Variants in CENPP observed in about 807,000 individuals in gnomAD.
CENPP encodes the protein centromere protein P.
Under a neutral mutation model 35.6 loss-of-function variants are expected in CENPP, and 24 were observed. The ratio of observed to expected loss-of-function variants is 0.67; its 90% CI spans 0.49 to 0.95. The LOEUF (loss-of-function observed/expected upper bound fraction) is 0.95, where lower values mean the gene tolerates loss of function less well. CENPP is among the 40% of genes least tolerant of loss of function. The probability of loss-of-function intolerance (pLI) is 0.00; values close to 1 mark genes in which losing one functional copy is unlikely to be tolerated. For missense variants in CENPP, 332 were observed against 345.3 expected (o/e 0.96, Z 0.31); for synonymous variants, 120 against 125.5 (o/e 0.96, Z 0.29).
At chr9:92,433,405 C>T (rs1844167673) in intron 5 of CENPP, among the ~76,000 whole-genome samples, 1 of 152,140 alleles carries the variant, frequency 6.6e-6, no homozygotes, top group Non-Finnish European at 1.5e-5. Context: ...TTGACTGGTA[C>T]TTGGTACAGA....
At chr9:92,457,192 G>A in intron 5 of CENPP, 2 of 1,468,864 alleles carry the variant, frequency 1.4e-6, no homozygotes. Context: ...ATATTTGCTT[G>A]TATATATAAT....
Position 92,618,122 on chromosome 9 carries a change from A to G in CENPP, c.*4973A>G. ...AACTTCACAGGTGCGGCCACTGCGC[A>G]CACCTTCCTGGAAGCAGGCCCAGCC... On this transcript the variant is annotated 3_prime_UTR_variant, in exon 8 of 8. Coordinates refer to ENST00000375587, the MANE Select transcript of CENPP (RefSeq NM_001012267.3). The G allele has an allele frequency of 2.4e-6, 1 of 414,972 alleles. No individual in the cohort carries two copies. The highest frequency in any genetic ancestry group is 4.8e-6 in the Non-Finnish European group (1 of 206,312). The allele number at this position is 414,972 out of a possible 1,614,324, so 25.7% of individuals were successfully genotyped here.
chr9:92,613,285 T>C lies in CENPP; in HGVS notation c.*136T>C. On this transcript the variant is annotated 3_prime_UTR_variant, in exon 8 of 8. Transcript: ENST00000375587. ...CTGTCTATGCAGTTATGGCACATTA[T>C]ATGGAAACTCTCATGACATGAAAAA... is the stretch of plus-strand genomic sequence containing the variant. 2 of 927,976 alleles carry C rather than the reference T, an allele frequency of 2.2e-6. No homozygotes were observed. The highest frequency in any genetic ancestry group is 3.3e-6 in the Non-Finnish European group (2 of 610,258). The allele number at this position is 927,976 out of a possible 1,614,324, so 57.5% of individuals were successfully genotyped here.
At chr9:92,346,610 A>T (rs1841301564) in intron 4 of CENPP, among the ~76,000 whole-genome samples, 1 of 152,206 alleles carries the variant, frequency 6.6e-6, no homozygotes, top group South Asian at 2.1e-4. Flanking sequence ...GGCCTGAGGA[A>T]AGCAAAAGTG....
intron 5 of CENPP, among the ~76,000 whole-genome samples, chr9:92,537,044 A>AT (rs112330831): frequency 4.6e-4 from 66 of 142,608 alleles, no homozygotes; most frequent in African/African-American, 1.0e-3. Context: ...TAATTTTTGT[A>AT]TTTTTTTTTT....
At chr9:92,460,140 C>T (rs1024840610) in intron 5 of CENPP, among the ~76,000 whole-genome samples, 7 of 148,860 alleles carry the variant, frequency 4.7e-5, no homozygotes, top group African/African-American at 1.7e-4. Flanking sequence ...AGTCTTGGCT[C>T]ACTGCAACCT....
intron 5 of CENPP, among the ~76,000 whole-genome samples, chr9:92,472,325 C>CCAGCCTGGGTGA (rs1343848988): frequency 6.6e-6 from 1 of 151,270 alleles, no homozygotes; most frequent in South Asian, 2.1e-4. Context: ...CCACTGCACT[C>CCAGCCTGGGTGA]CAGCCTGGGT....
At position 92,460,823 on chromosome 9, in the gene CENPP, T is replaced by G. The variant is rs1206628233; in HGVS notation, c.564+80964T>G. ...TCCTGAGTAGCTGAGATAACAGGTATGCACCACCATACCTGGCTAATTTTT... is the reference window on the plus strand; with the variant it reads ...TCCTGAGTAGCTGAGATAACAGGTAGGCACCACCATACCTGGCTAATTTTT... On this transcript the variant is annotated intron_variant, in intron 5 of 7. Transcript: ENST00000375587. Among the ~76,000 whole-genome samples, 4 of 152,052 alleles carry G rather than the reference T, an allele frequency of 2.6e-5. No individual in the cohort carries two copies. In the East Asian group the frequency reaches 5.8e-4, roughly 22 times the overall value.
chr9:92,433,270 A>T (rs912294679), intron 5 of CENPP, among the ~76,000 whole-genome samples: 3 of 152,224 alleles, frequency 2.0e-5, no homozygotes, highest in Non-Finnish European at 2.9e-5. Flanking sequence ...AATACTTCTT[A>T]AAAGTTCCCA....
chr9:92,349,465 A>G (rs1413640858), intron 4 of CENPP, among the ~76,000 whole-genome samples: 2 of 147,182 alleles, frequency 1.4e-5, no homozygotes, highest in Non-Finnish European at 3.0e-5. Context: ...GTGCTGTAGT[A>G]TGATATCAGC....
intron 5 of CENPP, among the ~76,000 whole-genome samples, chr9:92,397,195 C>CA (rs1350231835): frequency 3.3e-5 from 5 of 151,942 alleles, no homozygotes; most frequent in Non-Finnish European, 7.4e-5. Context: ...AACAAACAAA[C>CA]AAAAAAACAC....
At chr9:92,453,049 A>G (rs564523240) in intron 5 of CENPP, among the ~76,000 whole-genome samples, 301 of 152,240 alleles carry the variant, frequency 2.0e-3, no homozygotes, top group African/African-American at 6.9e-3. Flanking sequence ...TCAAAAAACC[A>G]GCTCCTGGAT....
At chr9:92,607,371 A>G (rs935354374) in intron 5 of CENPP, among the ~76,000 whole-genome samples, 32 of 152,318 alleles carry the variant, frequency 2.1e-4, no homozygotes, top group African/African-American at 7.7e-4. Flanking sequence ...TGAAAGCAAG[A>G]CAGAAAGTAG....
chr9:92,579,949 A>AG (rs1467289673), intron 5 of CENPP, among the ~76,000 whole-genome samples: 1 of 148,494 alleles, frequency 6.7e-6, no homozygotes, highest in Non-Finnish European at 1.5e-5. Context: ...TGTCATAGAT[A>AG]GCTCTTATTA....
At chr9:92,492,470 T>C (rs1846199373) in intron 5 of CENPP, among the ~76,000 whole-genome samples, 2 of 152,080 alleles carry the variant, frequency 1.3e-5, no homozygotes, top group East Asian at 3.9e-4. Context: ...GGGTAGTTTC[T>C]TTGTGTTTTA....
At chr9:92,373,717 T>G (rs1842061535) in intron 4 of CENPP, among the ~76,000 whole-genome samples, 1 of 152,008 alleles carries the variant, frequency 6.6e-6, no homozygotes, top group South Asian at 2.1e-4. Flanking sequence ...TCCCAGCTAC[T>G]CGGGAGGCTG....
At chr9:92,398,012 T>C (rs765666396) in intron 5 of CENPP, among the ~76,000 whole-genome samples, 1 of 152,188 alleles carries the variant, frequency 6.6e-6, no homozygotes, top group Non-Finnish European at 1.5e-5. Context: ...TTTGTAATGT[T>C]TCTCTGACAG....
In CENPP at chr9:92,615,615, G is replaced by C. The variant is rs1851406199; in HGVS notation, c.*2466G>C. 7.5e-6 allele frequency: 4 copies of C among 533,822 alleles called. No individual in the cohort carries two copies. The highest frequency in any genetic ancestry group is 1.3e-5 in the Non-Finnish European group (4 of 296,598). 33.1% of individuals were successfully genotyped at this position (533,822 alleles called of 1,614,324 possible). The stretch of plus-strand genomic sequence containing the variant: ...GGACACTTCCATTTTAAGAGTGTGA[G>C]CAGCTTCCTGGGACACAGCACTCAC... On this transcript the variant is annotated 3_prime_UTR_variant, in exon 8 of 8. Transcript: ENST00000375587.
rs185433125 is a variant in CENPP at position 92,589,567 on chromosome 9, A to G, written c.565-21747A>G. 6.6e-4 allele frequency among the ~76,000 whole-genome samples: 100 copies of G among 152,310 alleles called. No homozygotes were observed. In the East Asian group the frequency reaches 0.019, roughly 29 times the overall value. ...AGAACAGCATTCCCACATTCTTGAA[A>G]TTACATGGACATTCTCATACATGTT... On this transcript the variant is annotated intron_variant, in intron 5 of 7. Transcript: ENST00000375587.
Sources: gnomAD v4.1 joint callset for allele counts (sites outside exome capture counted in the v4.1 genomes callset) on GRCh38, gnomAD v4.1.1 for gene constraint, MANE v1.5 for transcripts, NCBI Gene and HGNC (gene_info 2026-07-23, HGNC 2026-07-21) for gene names.